The following IRAK3 variants were observed in gnomAD, a reference collection of about 807,000 sequenced individuals.
The protein encoded by IRAK3 is interleukin-1 receptor-associated kinase 3.
IRAK3 carries 57 observed loss-of-function variants against 56.6 expected under a neutral mutation model. The ratio of observed to expected loss-of-function variants is 1.01; its 90% CI spans 0.81 to 1.26. The LOEUF is 1.26. IRAK3 is among the 50% of genes most tolerant of loss of function. IRAK3 has a pLI of 0.00. For synonymous variants in IRAK3, 258 were observed against 255.7 expected (o/e 1.01, Z -0.09); for missense variants, 703 against 719.0 (o/e 0.98, Z 0.25).
At chr12:66,213,660 T>C (rs1336350112) in intron 5 of IRAK3, among the ~76,000 whole-genome samples, 1 of 152,098 alleles carries the variant, frequency 6.6e-6, no homozygotes, top group Non-Finnish European at 1.5e-5. Context: ...TTAACAAATG[T>C]ACCTCACTGG....
chr12:66,215,208 A>C (rs1281602430), intron 5 of IRAK3, among the ~76,000 whole-genome samples: 1 of 151,872 alleles, frequency 6.6e-6, no homozygotes, highest in Non-Finnish European at 1.5e-5. Flanking sequence ...CAATTCGTAC[A>C]TTGTCTTATG....
At chr12:66,246,766 A>G (rs1027872964) in intron 11 of IRAK3, among the ~76,000 whole-genome samples, 2 of 152,188 alleles carry the variant, frequency 1.3e-5, no homozygotes, top group Non-Finnish European at 2.9e-5. Flanking sequence ...AAAGCTCTCT[A>G]TATGTATTTT....
intron 6 of IRAK3, 53 bp downstream of exon 6, chr12:66,217,288 T>C: frequency 7.7e-7 from 1 of 1,298,474 alleles, no homozygotes; most frequent in Non-Finnish European, 1.1e-6. Flanking sequence ...GTTTCATCTC[T>C]GTTCATTTTT....
At chr12:66,236,674 C>G (rs1481063270) in intron 8 of IRAK3, among the ~76,000 whole-genome samples, 1 of 152,132 alleles carries the variant, frequency 6.6e-6, no homozygotes, top group Non-Finnish European at 1.5e-5. Flanking sequence ...ACATTCGGAG[C>G]CAACCAAGAC....
At chr12:66,239,708 C>T (rs529917641) in intron 8 of IRAK3, among the ~76,000 whole-genome samples, 1 of 152,268 alleles carries the variant, frequency 6.6e-6, no homozygotes, top group African/African-American at 2.4e-5. Context: ...CCCAGTGCCT[C>T]CCCTCTTCTA....
In IRAK3 at chr12:66,245,010, G is replaced by A. The variant is rs377627173; in HGVS notation, c.1149G>A (p.Leu383=). The change falls in exon 10 of 12, where the codon CTG becomes CTA. Residue 383 remains leucine (L), a splice_region_variant and synonymous_variant. Transcript: ENST00000261233. The part of the protein sequence containing the change: ...VVLDDPKHIQ[L]RDLLRELMEK... ...TAGATGATCCAAAACATATCCAGCT[G>A]GTAAGAATTGTTTTCATCCTGGCAC... is the stretch of plus-strand genomic sequence containing the variant. 1.1e-5 allele frequency: 17 copies of A among 1,613,488 alleles called. No homozygotes were observed. The highest frequency in any genetic ancestry group is 1.7e-5 in the Admixed American group (1 of 59,996).
In IRAK3 at chr12:66,201,234, G is replaced by A. The variant is rs540278327; in HGVS notation, c.134-2477G>A. ...TTGAAGTCTCCCATTGGTGGACAGG[G>A]GAGTCCTATCTCCTATGAGACCACC... On this transcript the variant is annotated intron_variant, in intron 1 of 11. Transcript: ENST00000261233. 3.0e-4 allele frequency among the ~76,000 whole-genome samples: 46 copies of A among 152,298 alleles called. 1 individual carries two copies. The South Asian group carries it at 8.5e-3, about 28-fold the overall frequency.
At chr12:66,205,714 A>G (rs1005828837) in intron 2 of IRAK3, among the ~76,000 whole-genome samples, 31 of 152,066 alleles carry the variant, frequency 2.0e-4, no homozygotes, top group Admixed American at 2.6e-4. Context: ...TTTCCTTGCA[A>G]TTTTATTCTG....
chr12:66,242,147 C>T (rs1466886861), intron 8 of IRAK3, among the ~76,000 whole-genome samples: 2 of 152,136 alleles, frequency 1.3e-5, no homozygotes, highest in Non-Finnish European at 2.9e-5. Context: ...CCCACCCTCC[C>T]CCTGTGCTGA....
At chr12:66,233,014 A>ATTATTATTATTT (rs912286281) in intron 8 of IRAK3, among the ~76,000 whole-genome samples, 6 of 150,126 alleles carry the variant, frequency 4.0e-5, no homozygotes, top group African/African-American at 1.5e-4. Flanking sequence ...TATTATTATT[A>ATTATTATTATTT]TTTTTAAAAA....
At chr12:66,208,473 T>C (rs375434755) in intron 2 of IRAK3, among the ~76,000 whole-genome samples, 3 of 152,160 alleles carry the variant, frequency 2.0e-5, no homozygotes, top group African/African-American at 7.2e-5. Flanking sequence ...AAAATGCTGA[T>C]AATACAGCTG....
rs144601758 is a variant in IRAK3, at chr12:66,231,645, G to T, written c.887+3275G>T. ...AAAAGTGGGTCATTGCAGTGGATTG[G>T]TTGAAAGAAGCGGAGAGAATATTCC... On this transcript the variant is annotated intron_variant, in intron 8 of 11. Transcript: ENST00000261233. 2.8e-3 allele frequency among the ~76,000 whole-genome samples: 428 copies of T among 152,344 alleles called. 3 individuals carry two copies. The Middle Eastern group carries it at 0.045, about 16-fold the overall frequency.
intron 8 of IRAK3, chr12:66,234,742 G>C: frequency 6.3e-7 from 1 of 1,596,596 alleles, no homozygotes; most frequent in Non-Finnish European, 8.6e-7. Flanking sequence ...TCCTAGCAAA[G>C]CCAACACCAC....
chr12:66,234,442 A>C, intron 8 of IRAK3: 1 of 1,611,472 alleles, frequency 6.2e-7, no homozygotes, highest in Non-Finnish European at 8.5e-7. Context: ...TAGAAGTTTG[A>C]GTGATCATTC....
intron 5 of IRAK3, among the ~76,000 whole-genome samples, chr12:66,214,072 G>C (rs1199946427): frequency 6.6e-6 from 1 of 152,222 alleles, no homozygotes; most frequent in East Asian, 1.9e-4. Flanking sequence ...CTGGGTGTAG[G>C]GAAGATGGTG....
At chr12:66,215,157 A>G (rs1448211407) in intron 5 of IRAK3, among the ~76,000 whole-genome samples, 1 of 152,162 alleles carries the variant, frequency 6.6e-6, no homozygotes, top group East Asian at 1.9e-4. Flanking sequence ...AGAGGTGGCC[A>G]AGCTAAAGCC....
At position 66,203,778 on chromosome 12, in the gene IRAK3, T is replaced by G; in HGVS notation, c.201T>G (p.Ser67Arg). 2.5e-6 allele frequency: 4 copies of G among 1,614,024 alleles called. No individual in the cohort carries two copies. The highest frequency in any genetic ancestry group is 3.4e-6 in the Non-Finnish European group (4 of 1,179,938). Residue 67 changes from serine (S) to arginine (R), a missense_variant, in exon 2 of 12, where the codon AGT becomes AGG. Ser to Arg is a moderately radical substitution (Grantham distance 110). Transcript: ENST00000261233. ...AAAAGTATGTAGACCAAGGTAAAAG[T>G]GGAACAAGAGAATTACTTTGGTCCT... ...HIEKYVDQGK[S>R]GTRELLWSWA...
At chr12:66,212,313 G>A (rs2052620704) in intron 5 of IRAK3, among the ~76,000 whole-genome samples, 2 of 152,170 alleles carry the variant, frequency 1.3e-5, no homozygotes, top group South Asian at 4.2e-4. Context: ...GAAGGAGGAG[G>A]CTTTCGAGTA....
intron 8 of IRAK3, among the ~76,000 whole-genome samples, chr12:66,231,352 T>C (rs573092387): frequency 1.4e-5 from 2 of 146,968 alleles, no homozygotes; most frequent in African/African-American, 5.0e-5. Context: ...TTCTCTACTT[T>C]AAAAAAAAAA....
Sources: gnomAD v4.1 joint callset for allele counts (sites outside exome capture counted in the v4.1 genomes callset) on GRCh38, gnomAD v4.1.1 for gene constraint, MANE v1.5 for transcripts, NCBI Gene and HGNC (gene_info 2026-07-23, HGNC 2026-07-21) for gene names.